Variants in MCTP1 observed in about 807,000 individuals in gnomAD.
MCTP1 encodes multiple C2 and transmembrane domain containing 1, also known as multiple C2 and transmembrane domain-containing protein 1.
MCTP1 carries 69 observed loss-of-function variants against 120.6 expected under a neutral mutation model. The observed-to-expected ratio is 0.57, with a 90% CI of 0.47 to 0.70. The LOEUF (loss-of-function observed/expected upper bound fraction) is 0.70. Ranked by LOEUF, MCTP1 falls within the 30% of genes least tolerant of loss-of-function variation. The pLI is 0.00. For synonymous variants in MCTP1, 529 were observed against 493.1 expected (o/e 1.07, Z -0.96); for missense variants, 1,203 against 1,248.8 (o/e 0.96, Z 0.55).
At chr5:95,274,096 G>A (rs555011701) in intron 1 of MCTP1, among the ~76,000 whole-genome samples, 2 of 152,042 alleles carry the variant, frequency 1.3e-5, no homozygotes, top group South Asian at 2.1e-4. Context: ...GAGAGTACAC[G>A]TCTCAGCCCT....
chr5:95,158,864 T>C (rs1745413449), intron 1 of MCTP1, among the ~76,000 whole-genome samples: 1 of 151,996 alleles, frequency 6.6e-6, no homozygotes, highest in Non-Finnish European at 1.5e-5. Context: ...GAGGTTGCAG[T>C]GAGCTGAGAT....
chr5:94,770,783 T>C (rs1773876145), intron 19 of MCTP1, among the ~76,000 whole-genome samples: 2 of 152,322 alleles, frequency 1.3e-5, no homozygotes, highest in Admixed American at 1.3e-4. Context: ...TTTTAAAATA[T>C]GATGAAGCAT....
chr5:95,116,547 G>GTT (rs761541487), intron 1 of MCTP1, among the ~76,000 whole-genome samples: 1 of 144,952 alleles, frequency 6.9e-6, no homozygotes, highest in Non-Finnish European at 1.5e-5. Context: ...AATTTTTAAA[G>GTT]TTTTTTTTTT....
rs375182310 is a variant in MCTP1 at position 94,903,133 on chromosome 5, T to A, written c.1652+6118A>T. 6.0e-5 allele frequency among the ~76,000 whole-genome samples: 9 copies of A among 149,608 alleles called. No individual in the cohort carries two copies. The East Asian group carries it at 1.3e-3, about 22-fold the overall frequency. On this transcript the variant is annotated intron_variant, in intron 10 of 22. Coordinates refer to ENST00000515393, the MANE Select transcript of MCTP1 (RefSeq NM_024717.7). ...ATTGCCTATCTCCCTAATGAACTAT[T>A]TCACTCAATCATTAGTAAAAAAAAA...
chr5:94,951,223 G>A (rs1430827950), intron 3 of MCTP1, among the ~76,000 whole-genome samples: 2 of 151,936 alleles, frequency 1.3e-5, no homozygotes, highest in Non-Finnish European at 2.9e-5. Context: ...TTCTTTTTTT[G>A]TGTACTTCAG....
chr5:94,942,890 G>T (rs1336290128), intron 3 of MCTP1, among the ~76,000 whole-genome samples: 7 of 152,050 alleles, frequency 4.6e-5, no homozygotes, highest in Non-Finnish European at 8.8e-5. Flanking sequence ...ACTTTATAAA[G>T]TTATACTAAG....
chr5:95,201,480 T>TG (rs1751032219), intron 1 of MCTP1, among the ~76,000 whole-genome samples: 1 of 4,760 alleles, frequency 2.1e-4, no homozygotes, highest in Non-Finnish European at 5.3e-4. Flanking sequence ...TTTTTTTTTT[T>TG]TTTTTTTTTT....
chr5:94,737,836 T>C (rs11955446), intron 19 of MCTP1, among the ~76,000 whole-genome samples: 39,166 of 151,912 alleles, frequency 0.26, 5,212 homozygotes, highest in East Asian at 0.35. Context: ...GCCACCACAC[T>C]TGGTTAATTT....
chr5:94,844,323 A>G (rs1791831329), intron 17 of MCTP1, among the ~76,000 whole-genome samples: 1 of 147,894 alleles, frequency 6.8e-6, no homozygotes, highest in Non-Finnish European at 1.5e-5. Context: ...AAAAAAAAAG[A>G]AAAGAAAAAG....
At chr5:95,235,809 G>T (rs1034074212) in intron 1 of MCTP1, among the ~76,000 whole-genome samples, 2 of 152,122 alleles carry the variant, frequency 1.3e-5, no homozygotes, top group African/African-American at 4.8e-5. Flanking sequence ...ATGCTACTAG[G>T]TCAGTGCAGC....
At chr5:94,782,624 T>C (rs1021740580) in intron 18 of MCTP1, among the ~76,000 whole-genome samples, 5 of 152,122 alleles carry the variant, frequency 3.3e-5, no homozygotes, top group African/African-American at 1.2e-4. Context: ...CTATTTAGGA[T>C]GAGAGTGCTG....
At position 94,944,146 on chromosome 5, in the gene MCTP1, A is replaced by G. The variant is rs550276688; in HGVS notation, c.982-1719T>C. ...TAAAAAGATAAATACTTTGCATTAC[A>G]AAAGGATTCTTAGATTTGAAGAGTC... On this transcript the variant is annotated intron_variant, in intron 3 of 22. Transcript: ENST00000515393. Among the ~76,000 whole-genome samples the G allele has an allele frequency of 1.8e-4, 27 of 152,268 alleles. 3 individuals carry two copies. The highest frequency in any genetic ancestry group is 6.0e-4 in the African/African-American group (25 of 41,570).
chr5:95,220,971 GA>G (rs2152609334), intron 1 of MCTP1, among the ~76,000 whole-genome samples: 1 of 152,216 alleles, frequency 6.6e-6, no homozygotes, highest in South Asian at 2.1e-4. Flanking sequence ...AGTAAAGGCA[GA>G]AAAAATTACG....
rs73144194 is a variant in MCTP1 at position 94,712,032 on chromosome 5, G to A, written c.2721-1105C>T. On this transcript the variant is annotated intron_variant, in intron 20 of 22. Coordinates refer to ENST00000515393, the MANE Select transcript of MCTP1 (RefSeq NM_024717.7). ...GCATTCTTTGAAATTTCTCCTAAGT[G>A]TTCATCCACTAAAGAGGAACTAACA... Among the ~76,000 whole-genome samples the A allele has an allele frequency of 2.3e-3, 347 of 152,210 alleles. 3 individuals carry two copies. Among genetic ancestry groups the A allele is most frequent in the African/African-American group, 7.2e-3 (298 of 41,544 alleles).
chr5:95,135,907 A>C (rs1163026074), intron 1 of MCTP1, among the ~76,000 whole-genome samples: 1 of 152,264 alleles, frequency 6.6e-6, no homozygotes, highest in Non-Finnish European at 1.5e-5. Context: ...GTTCCAAATC[A>C]GTTCATTAAA....
chr5:94,768,967 G>A (rs1280116810), intron 19 of MCTP1, among the ~76,000 whole-genome samples: 3 of 152,070 alleles, frequency 2.0e-5, no homozygotes, highest in Non-Finnish European at 4.4e-5. Context: ...ACAATAGACA[G>A]GATAATAGGA....
chr5:94,736,983 A>C (rs1318149544), intron 19 of MCTP1, among the ~76,000 whole-genome samples: 2 of 152,084 alleles, frequency 1.3e-5, no homozygotes, highest in African/African-American at 4.8e-5. Context: ...CTTATAGTCA[A>C]GTGAAATTTT....
chr5:95,141,129 C>CT (rs1328901444), intron 1 of MCTP1, among the ~76,000 whole-genome samples: 2 of 152,046 alleles, frequency 1.3e-5, no homozygotes, highest in South Asian at 2.1e-4. Context: ...TGATTTGAAA[C>CT]TTTTTTCACT....
rs1839850307 is a variant in MCTP1, at chr5:95,029,182, TTGTAAC to T, written c.721-11704_721-11699del. 2.0e-5 allele frequency among the ~76,000 whole-genome samples: 3 copies of T among 151,276 alleles called. No individual in the cohort carries two copies. The South Asian group carries it at 6.3e-4, about 32-fold the overall frequency. ...AAAAAAAAAAAAAATGTAAAAGTGTTTGTAACTGTAAGAAATTGTTCAAATATAAGT... is the reference window on the plus strand; with the variant it reads ...AAAAAAAAAAAAAATGTAAAAGTGTTTGTAAGAAATTGTTCAAATATAAGT... On this transcript the variant is annotated intron_variant, in intron 1 of 22. Transcript: ENST00000515393.
Sources: gnomAD v4.1 joint callset for allele counts (sites outside exome capture counted in the v4.1 genomes callset) on GRCh38, gnomAD v4.1.1 for gene constraint, MANE v1.5 for transcripts, NCBI Gene and HGNC (gene_info 2026-07-23, HGNC 2026-07-21) for gene names.